The following CSMD1 variants were observed in gnomAD, a reference collection of about 807,000 sequenced individuals.
The protein encoded by CSMD1 is CUB and Sushi multiple domains 1.
Under a neutral mutation model 417.5 loss-of-function variants are expected in CSMD1, and 213 were observed. That is an observed-to-expected ratio of 0.51 (90% CI 0.46 to 0.57). The LOEUF is 0.57. CSMD1 is among the 20% of genes least tolerant of loss of function. The pLI, the probability that CSMD1 is intolerant of heterozygous loss-of-function variation, is 0.00. For missense variants in CSMD1, 6,923 were observed against 4,529.7 expected, an observed-to-expected ratio of 1.53 and a Z score of -15.17; for synonymous variants, 2,862 against 1,736.8, an observed-to-expected ratio of 1.65 and a Z score of -16.11.
At position 3,018,584 on chromosome 8, in the gene CSMD1, C is replaced by T. The variant is rs752081617; in HGVS notation, c.7922G>A (p.Gly2641Glu). 1.2e-5 allele frequency: 19 copies of T among 1,613,282 alleles called. No individual in the cohort carries two copies. The Middle Eastern group carries it at 1.3e-3, about 112-fold the overall frequency. The change falls in exon 52 of 70, where the codon GGG becomes GAG. Residue 2641 changes from glycine (G) to glutamate (E), a missense_variant. Transcript: ENST00000635120. ...GNKIGTLTVYGATAIFTCNTG... is the reference protein window; with the variant it reads ...GNKIGTLTVYEATAIFTCNTG... ...GTTGCACGTAAATATAGCTGTGGCC[C>T]CATAAACTGTCAACGTTCCAATCTT...
intron 3 of CSMD1, among the ~76,000 whole-genome samples, chr8:4,400,793 T>C (rs13281118): frequency 2.6e-5 from 4 of 151,226 alleles, no homozygotes; most frequent in Non-Finnish European, 4.4e-5. Context: ...TAAAAAACTA[T>C]TGATGAGCTC....
chr8:4,573,912 G>C (rs1799010509), intron 2 of CSMD1, among the ~76,000 whole-genome samples: 1 of 152,204 alleles, frequency 6.6e-6, no homozygotes, highest in Admixed American at 6.5e-5. Flanking sequence ...TGGCAGCTAT[G>C]TTTACACTGT....
intron 5 of CSMD1, among the ~76,000 whole-genome samples, chr8:3,954,746 C>T (rs1026977764): frequency 6.6e-6 from 1 of 151,776 alleles, no homozygotes; most frequent in East Asian, 1.9e-4. Context: ...GCCCTCCTTG[C>T]CCCTCAGAAC....
intron 1 of CSMD1, among the ~76,000 whole-genome samples, chr8:4,681,699 A>G (rs1806063299): frequency 6.6e-6 from 1 of 152,048 alleles, no homozygotes; most frequent in Non-Finnish European, 1.5e-5. Context: ...AAATAACCCG[A>G]CTTTAAGGCA....
chr8:3,298,322 G>A (rs1392341003), intron 25 of CSMD1, among the ~76,000 whole-genome samples: 1 of 152,176 alleles, frequency 6.6e-6, no homozygotes, highest in East Asian at 1.9e-4. Context: ...ACTCCAAACT[G>A]CATCAGAACC....
At chr8:3,263,536 A>G (rs1252519019) in intron 26 of CSMD1, among the ~76,000 whole-genome samples, 1 of 152,188 alleles carries the variant, frequency 6.6e-6, no homozygotes, top group Non-Finnish European at 1.5e-5. Context: ...TCTATAGTAA[A>G]TGTTCATTTT....
At chr8:3,521,245 C>T (rs1033175996) in intron 10 of CSMD1, among the ~76,000 whole-genome samples, 6 of 152,182 alleles carry the variant, frequency 3.9e-5, no homozygotes, top group African/African-American at 1.2e-4. Context: ...TTGCTGATTT[C>T]CCCAGGGATT....
chr8:4,832,052 C>A (rs922980249), intron 1 of CSMD1, among the ~76,000 whole-genome samples: 2 of 152,224 alleles, frequency 1.3e-5, no homozygotes, highest in Admixed American at 1.3e-4. Context: ...ACCTTACAAT[C>A]AAACCAGAAC....
At chr8:3,261,044 C>G (rs954071814) in intron 26 of CSMD1, among the ~76,000 whole-genome samples, 1 of 152,110 alleles carries the variant, frequency 6.6e-6, no homozygotes, top group African/African-American at 2.4e-5. Context: ...AGAGGAAACA[C>G]AGGTGAGAAC....
intron 10 of CSMD1, among the ~76,000 whole-genome samples, chr8:3,508,269 AGATCCTGGCTCACCTG>A: frequency 6.6e-6 from 1 of 151,540 alleles, no homozygotes; most frequent in South Asian, 2.1e-4. Flanking sequence ...TGCAAGACAT[AGATCCTGGCTCACCTG>A]CGCCCCCTCC....
intron 39 of CSMD1, among the ~76,000 whole-genome samples, chr8:3,154,822 A>C (rs943805954): frequency 6.6e-6 from 1 of 152,108 alleles, no homozygotes; most frequent in Non-Finnish European, 1.5e-5. Flanking sequence ...TTATTTTTCA[A>C]AATTAGGTCA....
At chr8:3,305,056 T>TA (rs1326081565) in intron 25 of CSMD1, among the ~76,000 whole-genome samples, 3 of 152,250 alleles carry the variant, frequency 2.0e-5, no homozygotes, top group Non-Finnish European at 4.4e-5. Context: ...AATTAATTTA[T>TA]TTACTTAAGA....
At chr8:3,384,200 A>G (rs935806024) in intron 18 of CSMD1, among the ~76,000 whole-genome samples, 1 of 152,162 alleles carries the variant, frequency 6.6e-6, no homozygotes, top group Non-Finnish European at 1.5e-5. Flanking sequence ...ATATGTAGAC[A>G]TCTTTAAAAA....
At chr8:4,233,004 T>C (rs1801835550) in intron 3 of CSMD1, among the ~76,000 whole-genome samples, 1 of 152,172 alleles carries the variant, frequency 6.6e-6, no homozygotes, top group Admixed American at 6.5e-5. Context: ...ATAGACGTGG[T>C]GTCATGTCTA....
intron 4 of CSMD1, among the ~76,000 whole-genome samples, chr8:4,027,330 G>C (rs912364042): frequency 2.0e-5 from 3 of 152,138 alleles, no homozygotes; most frequent in Non-Finnish European, 4.4e-5. Flanking sequence ...GTATGCTTTG[G>C]CTGTGTCCTC....
chr8:3,024,625 A>T (rs1563250487), intron 51 of CSMD1, among the ~76,000 whole-genome samples: 1 of 152,176 alleles, frequency 6.6e-6, no homozygotes, highest in Non-Finnish European at 1.5e-5. Context: ...AAGTTTTTAA[A>T]AATTGTGTTT....
At chr8:4,830,925 T>A (rs1381773407) in intron 1 of CSMD1, among the ~76,000 whole-genome samples, 1 of 152,138 alleles carries the variant, frequency 6.6e-6, no homozygotes, top group East Asian at 1.9e-4. Context: ...TGAACTTCCT[T>A]ATGTTACCCA....
At chr8:3,661,707 G>C (rs1239032589) in intron 7 of CSMD1, among the ~76,000 whole-genome samples, 1 of 152,108 alleles carries the variant, frequency 6.6e-6, no homozygotes, top group Non-Finnish European at 1.5e-5. Flanking sequence ...ATGTTGGTCA[G>C]GCTAGTCTCG....
intron 69 of CSMD1, among the ~76,000 whole-genome samples, chr8:2,940,351 T>G (rs1196348069): frequency 6.6e-6 from 1 of 152,114 alleles, no homozygotes; most frequent in Non-Finnish European, 1.5e-5. Context: ...GCCGTCCTCT[T>G]GAGAACTGTG....
Sources: allele counts gnomAD v4.1 joint callset (sites outside exome capture counted in the v4.1 genomes callset), GRCh38; gene constraint gnomAD v4.1.1; transcripts MANE v1.5; gene names NCBI Gene and HGNC (gene_info 2026-07-23, HGNC 2026-07-21).